Variants in GAN observed in about 807,000 individuals in gnomAD.
GAN encodes gigaxonin.
A neutral mutation model predicts 71.3 loss-of-function variants in GAN; 48 were observed. That is an observed-to-expected ratio of 0.67 (90% CI 0.53 to 0.86). GAN has a LOEUF of 0.86. GAN is among the 40% of genes least tolerant of loss of function. The pLI, the probability that GAN is intolerant of heterozygous loss-of-function variation, is 0.00. For missense variants in GAN, 928 were observed against 770.1 expected, an observed-to-expected ratio of 1.21 and a Z score of -2.43; for synonymous variants, 386 against 276.8, an observed-to-expected ratio of 1.39 and a Z score of -3.92.
rs549838931 is a variant in GAN, at chr16:81,347,307, A to T, written c.168-4276A>T. The stretch of plus-strand genomic sequence containing the variant: ...AGACAGGAAATACAGGGAGGAAAGA[A>T]AGTTGTCTAAATACCCTCTGTATAC... On this transcript the variant is annotated intron_variant, in intron 1 of 10. Transcript: ENST00000648994. Among the ~76,000 whole-genome samples, 81 of 152,322 alleles carry T rather than the reference A, an allele frequency of 5.3e-4. 1 individual carries two copies. Among genetic ancestry groups the T allele is most frequent in the African/African-American group, 1.8e-3 (75 of 41,560 alleles).
Position 81,384,300 on chromosome 16 carries a change from T to TAAAAAAAAAA in GAN, c.*6711_*6720dup, listed in dbSNP as rs59504477. The TAAAAAAAAAA allele has an allele frequency of 8.1e-6, 1 of 123,686 alleles. No homozygotes were observed. The highest frequency in any genetic ancestry group is 1.8e-5 in the Non-Finnish European group (1 of 56,972). The allele number at this position is 123,686 out of a possible 1,614,324, so 7.7% of individuals were successfully genotyped here. On this transcript the variant is annotated 3_prime_UTR_variant, in exon 11 of 11. Coordinates refer to ENST00000648994, the MANE Select transcript of GAN (RefSeq NM_022041.4). ...AAGGCCTGTTTTCCATTTTACTACT[T>TAAAAAAAAAA]AAAAAAAAAAAAAAAAGAAAAGAAA...
At chr16:81,320,682 C>T (rs1490847117) in intron 1 of GAN, among the ~76,000 whole-genome samples, 1 of 152,194 alleles carries the variant, frequency 6.6e-6, no homozygotes, top group Non-Finnish European at 1.5e-5. Flanking sequence ...TTAGAAGCTC[C>T]AGTTTCTGAG....
In GAN at chr16:81,377,286, C is replaced by G; in HGVS notation, c.1570C>G (p.Pro524Ala). The change falls in exon 10 of 11, where the codon CCT becomes GCT. Residue 524 changes from proline to alanine, a missense_variant. Physicochemically the swap from Pro to Ala is conservative, Grantham distance 27. Coordinates refer to ENST00000648994, the MANE Select transcript of GAN (RefSeq NM_022041.4). ...TTCCTCTTTTGTTTATGGAGCTGTA[C>G]CTATAGGAGCCAGTATTTATGTTAT... The part of the protein sequence containing the change: ...ASSSFVYGAV[P>A]IGASIYVIGD... The G allele has an allele frequency of 6.2e-7, 1 of 1,609,846 alleles. No individual in the cohort carries two copies. Among genetic ancestry groups the G allele is most frequent in the Non-Finnish European group, 8.5e-7 (1 of 1,176,168 alleles).
Position 81,374,685 on chromosome 16 carries a change from C to T in GAN, c.1503-2534C>T, listed in dbSNP as rs759618657. On this transcript the variant is annotated intron_variant, in intron 9 of 10. Coordinates refer to ENST00000648994, the MANE Select transcript of GAN (RefSeq NM_022041.4). ...TCAGTAGCTGCTTCACTGTGGCTTC[C>T]GTGTCCTTTGACACACCCCCATCCT... Among the ~76,000 whole-genome samples, 6 of 152,220 alleles carry T rather than the reference C, an allele frequency of 3.9e-5. No homozygotes were observed. The East Asian group carries it at 7.7e-4, about 20-fold the overall frequency.
rs1904340126 is a variant in GAN at position 81,384,314 on chromosome 16, A to AG, written c.*6718_*6719insG. The AG allele has an allele frequency of 6.6e-6, 1 of 151,400 alleles. No individual in the cohort carries two copies. The highest frequency in any genetic ancestry group is 2.4e-5 in the African/African-American group (1 of 41,236). 9.4% of individuals were successfully genotyped at this position (151,400 alleles called of 1,614,324 possible). ...ATTTTACTACTTAAAAAAAAAAAAA[A>AG]AAGAAAAGAAAAAAAAGCACTTACA... On this transcript the variant is annotated 3_prime_UTR_variant, in exon 11 of 11. Coordinates refer to ENST00000648994, the MANE Select transcript of GAN (RefSeq NM_022041.4).
At chr16:81,325,136 G>A (rs575904375) in intron 1 of GAN, among the ~76,000 whole-genome samples, 8 of 152,200 alleles carry the variant, frequency 5.3e-5, no homozygotes, top group Admixed American at 4.6e-4. Context: ...CTTACAGTAG[G>A]CATTAAAGTC....
In GAN at chr16:81,378,360, G is replaced by A. The variant is rs1934; in HGVS notation, c.*764G>A. 0.055 allele frequency: 8,374 copies of A among 152,348 alleles called. 439 individuals are homozygous for A. The highest frequency in any genetic ancestry group is 0.14 in the African/African-American group (5,849 of 41,488). 9.4% of individuals were successfully genotyped at this position (152,348 alleles called of 1,614,324 possible). ...TTTCTGGGGTAGTACCTGTGGAGCC[G>A]GGAAGGGTCTCCTGCAGTGCCATTC... On this transcript the variant is annotated 3_prime_UTR_variant, in exon 11 of 11. Coordinates refer to ENST00000648994, the MANE Select transcript of GAN (RefSeq NM_022041.4).
At position 81,365,331 on chromosome 16, in the gene GAN, G is replaced by T; in HGVS notation, c.1374-19G>T. The T allele has an allele frequency of 6.2e-7, 1 of 1,613,810 alleles. No homozygotes were observed. Among genetic ancestry groups the T allele is most frequent in the South Asian group, 1.1e-5 (1 of 91,044 alleles). On this transcript the variant is annotated intron_variant, in intron 8 of 10. Transcript: ENST00000648994. ...CATTGTACAGCTTGTGCCTGATAAC[G>T]CTGTGTGTGGCCTTTCAGGTTTGGA...
At chr16:81,369,063 C>A (rs1470991180) in intron 9 of GAN, among the ~76,000 whole-genome samples, 1 of 152,198 alleles carries the variant, frequency 6.6e-6, no homozygotes, top group African/African-American at 2.4e-5. Context: ...TTTACTGCCT[C>A]CGTGCATTCG....
At chr16:81,347,957 C>T (rs1343955173) in intron 1 of GAN, among the ~76,000 whole-genome samples, 3 of 151,904 alleles carry the variant, frequency 2.0e-5, no homozygotes, top group Non-Finnish European at 4.4e-5. Flanking sequence ...GTTGAACCTT[C>T]TGGACTGATC....
intron 1 of GAN, among the ~76,000 whole-genome samples, chr16:81,331,926 G>A (rs1597391888): frequency 6.6e-6 from 1 of 152,176 alleles, no homozygotes; most frequent in South Asian, 2.1e-4. Flanking sequence ...ACTTTGGGAG[G>A]TCAAGGCGGG....
intron 1 of GAN, among the ~76,000 whole-genome samples, chr16:81,323,954 A>G (rs2150668237): frequency 6.6e-6 from 1 of 152,330 alleles, no homozygotes; most frequent in Non-Finnish European, 1.5e-5. Context: ...AAGGAAATAA[A>G]CATAAAACTA....
chr16:81,360,185 C>G (rs79451698), intron 5 of GAN, among the ~76,000 whole-genome samples: 434 of 152,322 alleles, frequency 2.8e-3, no homozygotes, highest in African/African-American at 0.01. Context: ...ACTCCTCAGA[C>G]TTTCCACCTA....
chr16:81,370,193 C>T (rs1434815759), intron 9 of GAN, among the ~76,000 whole-genome samples: 2 of 152,192 alleles, frequency 1.3e-5, no homozygotes, highest in South Asian at 2.1e-4. Flanking sequence ...TTTTAATCAT[C>T]ATGATGTTCC....
intron 1 of GAN, among the ~76,000 whole-genome samples, chr16:81,322,971 A>C: frequency 6.6e-6 from 1 of 152,326 alleles, no homozygotes; most frequent in East Asian, 1.9e-4. Context: ...TTTGAAGGAC[A>C]ATGAAAATCC....
At position 81,379,179 on chromosome 16, in the gene GAN, A is replaced by G. The variant is rs1407937702; in HGVS notation, c.*1583A>G. On this transcript the variant is annotated 3_prime_UTR_variant, in exon 11 of 11. Transcript: ENST00000648994. ...TTCCTGTATGGAACGTTTATATGCA[A>G]TTAACATGCATATGAAAAACATCAC... The G allele has an allele frequency of 6.6e-6, 1 of 152,220 alleles. No homozygotes were observed. Among genetic ancestry groups the G allele is most frequent in the Non-Finnish European group, 1.5e-5 (1 of 68,038 alleles). 9.4% of individuals were successfully genotyped at this position (152,220 alleles called of 1,614,324 possible).
intron 1 of GAN, among the ~76,000 whole-genome samples, chr16:81,350,860 A>G (rs921466837): frequency 2.0e-5 from 3 of 152,230 alleles, no homozygotes; most frequent in Non-Finnish European, 4.4e-5. Context: ...ATATGCAATA[A>G]TAGTCATAGC....
intron 4 of GAN, 128 bp from the exon 5 acceptor site, chr16:81,357,682 A>G (rs1002454032): frequency 1.1e-6 from 1 of 882,960 alleles, no homozygotes; most frequent in African/African-American, 1.7e-5. Context: ...GAATCGTCAC[A>G]CTGACTTCCA....
At chr16:81,348,573 G>A (rs750576459) in intron 1 of GAN, among the ~76,000 whole-genome samples, 2 of 152,228 alleles carry the variant, frequency 1.3e-5, no homozygotes, top group African/African-American at 2.4e-5. Flanking sequence ...GAGTAGCTGA[G>A]CAGCATCTCC....
Sources: gnomAD v4.1 joint callset for allele counts (sites outside exome capture counted in the v4.1 genomes callset) on GRCh38, gnomAD v4.1.1 for gene constraint, MANE v1.5 for transcripts, NCBI Gene and HGNC (gene_info 2026-07-23, HGNC 2026-07-21) for gene names.